The following AQP7B variants were observed in gnomAD, a reference collection of about 807,000 sequenced individuals.
AQP7B encodes putative aquaporin-7B.
chr2:94,588,487 G>C, the AQP7B span: 7 of 653,074 alleles, frequency 1.1e-5, no homozygotes, highest in Non-Finnish European at 1.9e-5. Flanking sequence ...ACCTCTCTTT[G>C]GCTCCTCAGC....
the AQP7B span, chr2:94,603,243 C>T: frequency 1.0e-4 from 142 of 1,390,092 alleles, no homozygotes; most frequent in African/African-American, 1.6e-3. Flanking sequence ...CAGATTGGAC[C>T]TCAGTGTCCT....
At chr2:94,598,051 T>C in the AQP7B span, among the ~76,000 whole-genome samples, 1 of 152,200 alleles carries the variant, frequency 6.6e-6, no homozygotes, top group African/African-American at 2.4e-5. Context: ...TCAGCCTCAG[T>C]TTCCCCATTT....
the AQP7B span, among the ~76,000 whole-genome samples, chr2:94,592,689 G>A: frequency 1.3e-5 from 2 of 151,656 alleles, no homozygotes; most frequent in Non-Finnish European, 2.9e-5. Context: ...CACAGAGCAG[G>A]CAACAACCAG....
At chr2:94,604,256 C>T in the AQP7B span, 79 of 1,562,930 alleles carry the variant, frequency 5.1e-5, 1 homozygote, top group African/African-American at 9.6e-4. Context: ...GGGCATCAGC[C>T]CCCTCAGCAG....
chr2:94,603,158 C>A, the AQP7B span: 5 of 1,521,786 alleles, frequency 3.3e-6, no homozygotes, highest in Non-Finnish European at 4.5e-6. Context: ...CTGCCACCAT[C>A]TACAGTCTCT....
At chr2:94,599,255 C>A in the AQP7B span, among the ~76,000 whole-genome samples, 1 of 152,100 alleles carries the variant, frequency 6.6e-6, no homozygotes, top group African/African-American at 2.4e-5. Flanking sequence ...CCCCCGGCAC[C>A]CCCATCTGTT....
At chr2:94,589,554 G>A in the AQP7B span, among the ~76,000 whole-genome samples, 3 of 151,888 alleles carry the variant, frequency 2.0e-5, no homozygotes, top group African/African-American at 4.8e-5. Context: ...TGGTACCTTC[G>A]CTTATACAAA....
chr2:94,590,290 C>A, the AQP7B span, among the ~76,000 whole-genome samples: 2 of 152,180 alleles, frequency 1.3e-5, no homozygotes, highest in East Asian at 1.9e-4. Context: ...TCAAGTGATT[C>A]TCACGTCTCA....
At chr2:94,604,540 C>T in the AQP7B span, 6 of 1,608,268 alleles carry the variant, frequency 3.7e-6, no homozygotes, top group East Asian at 2.2e-5. Flanking sequence ...CTGCCCCACC[C>T]TTACATGAAT....
the AQP7B span, chr2:94,604,325 C>A: frequency 6.2e-7 from 1 of 1,610,036 alleles, no homozygotes; most frequent in Admixed American, 1.7e-5. Flanking sequence ...AGTGGTGGCA[C>A]CACTTCTGGG....
the AQP7B span, chr2:94,603,714 G>T: frequency 6.8e-7 from 1 of 1,477,804 alleles, no homozygotes; most frequent in South Asian, 1.3e-5. Flanking sequence ...CTCCTCAGGA[G>T]TGGCTGACCA....
At chr2:94,602,517 A>G in the AQP7B span, 5 of 1,605,512 alleles carry the variant, frequency 3.1e-6, no homozygotes, top group South Asian at 2.2e-5. Context: ...TCTGTGGCCC[A>G]TATGGTTCTA....
chr2:94,602,920 A>T, the AQP7B span: 1 of 1,256,348 alleles, frequency 8.0e-7, no homozygotes, highest in Non-Finnish European at 1.1e-6. Flanking sequence ...GGGCTCAAGG[A>T]GAGAGCTCTG....
chr2:94,603,913 G>T, the AQP7B span: 24 of 1,295,484 alleles, frequency 1.9e-5, no homozygotes, highest in Admixed American at 3.0e-4. Context: ...TGCTGGCTGG[G>T]GCAAACAGGT....
At chr2:94,604,293 G>A in the AQP7B span, 1 of 1,603,154 alleles carries the variant, frequency 6.2e-7, no homozygotes, top group South Asian at 1.1e-5. Flanking sequence ...TGCAGCGATG[G>A]GGAGAACTGG....
the AQP7B span, among the ~76,000 whole-genome samples, chr2:94,598,647 AGCT>A: frequency 6.6e-6 from 1 of 152,120 alleles, no homozygotes; most frequent in African/African-American, 2.4e-5. Flanking sequence ...GTGTTGCCTG[AGCT>A]GCTCATTTTT....
chr2:94,600,845 C>T, the AQP7B span, among the ~76,000 whole-genome samples: 3 of 151,010 alleles, frequency 2.0e-5, no homozygotes, highest in Non-Finnish European at 4.4e-5. Context: ...CACCATTGCA[C>T]TCCGGCTTGG....
At chr2:94,601,489 C>G in the AQP7B span, among the ~76,000 whole-genome samples, 1 of 152,302 alleles carries the variant, frequency 6.6e-6, no homozygotes, top group Admixed American at 6.5e-5. Context: ...GTGGTAAAAC[C>G]ATGCCTGAAA....
chr2:94,594,103 CT>C, the AQP7B span, among the ~76,000 whole-genome samples: 6 of 152,186 alleles, frequency 3.9e-5, no homozygotes, highest in African/African-American at 1.4e-4. Context: ...TTCTCCCTCC[CT>C]CTCTCTTGGT....
Sources: allele counts gnomAD v4.1 joint callset (sites outside exome capture counted in the v4.1 genomes callset), GRCh38; gene constraint gnomAD v4.1.1; transcripts MANE v1.5; gene names NCBI Gene and HGNC (gene_info 2026-07-23, HGNC 2026-07-21).